The following PPFIBP1 variants were observed in gnomAD, a reference collection of about 807,000 sequenced individuals.
PPFIBP1 encodes the protein PPFIB scaffold protein 1.
PPFIBP1 carries 112 observed loss-of-function variants against 137.8 expected under a neutral mutation model. The observed-to-expected ratio is 0.81, with a 90% CI of 0.70 to 0.95. The LOEUF is 0.95. Among genes scored for constraint, PPFIBP1 ranks in the 40% least tolerant of loss-of-function variants. PPFIBP1 has a pLI of 0.00. For missense variants in PPFIBP1, 1,083 were observed against 1,196.6 expected (o/e 0.91, Z 1.40); for synonymous variants, 378 against 417.3 (o/e 0.91, Z 1.15).
chr12:27,543,753 G>A (rs1751028178), intron 1 of PPFIBP1, among the ~76,000 whole-genome samples: 1 of 152,070 alleles, frequency 6.6e-6, no homozygotes, highest in Admixed American at 6.5e-5. Flanking sequence ...ATCTTATAAC[G>A]TTTGCAAGCT....
At position 27,656,592 on chromosome 12, in the gene PPFIBP1, T is replaced by C. The variant is rs200332594; in HGVS notation, c.697-24T>C. The C allele has an allele frequency of 5.3e-4, 759 of 1,436,706 alleles. 3 individuals carry two copies. In the African/African-American group the frequency reaches 9.6e-3, roughly 18 times the overall value. The allele number at this position is 1,436,706 out of a possible 1,614,324, so 89.0% of individuals were successfully genotyped here. A position where few individuals can be genotyped will look rare whatever the true frequency, so the allele number is the denominator to read the frequency against. On this transcript the variant is annotated intron_variant, in intron 8 of 29. Transcript: ENST00000228425. ...TCCTTTTCAGTCATGATCTGCTATT[T>C]TTAAATGAATTTGTAACTTGTAGGA...
chr12:27,550,991 A>ATAT (rs375148048), intron 1 of PPFIBP1, among the ~76,000 whole-genome samples: 43,503 of 136,484 alleles, frequency 0.32, 6,988 homozygotes, highest in Middle Eastern at 0.45. Flanking sequence ...ATATATATAT[A>ATAT]TTTTTTTTTT....
intron 10 of PPFIBP1, 57 bp downstream of exon 10, chr12:27,658,905 C>T: frequency 1.3e-6 from 2 of 1,501,314 alleles, no homozygotes; most frequent in Non-Finnish European, 1.8e-6. Flanking sequence ...CTACCTTGGA[C>T]TGTTCTTTGC....
intron 28 of PPFIBP1, 115 bp downstream of exon 28, chr12:27,692,043 G>T: frequency 1.1e-6 from 1 of 880,234 alleles, no homozygotes; most frequent in Non-Finnish European, 1.7e-6. Context: ...TAAAAATACA[G>T]ATAATAATAG....
At chr12:27,582,565 G>A (rs796280559) in intron 2 of PPFIBP1, among the ~76,000 whole-genome samples, 19 of 152,262 alleles carry the variant, frequency 1.2e-4, no homozygotes, top group South Asian at 8.3e-4. Flanking sequence ...CTGTATGCAT[G>A]GTAATCAAAG....
intron 9 of PPFIBP1, among the ~76,000 whole-genome samples, chr12:27,658,160 A>AT (rs2059332873): frequency 6.6e-6 from 1 of 150,890 alleles, no homozygotes; most frequent in African/African-American, 2.4e-5. Flanking sequence ...AAAAAAAAGA[A>AT]TAAAATGGCA....
rs541651101 is a variant in PPFIBP1 at position 27,632,413 on chromosome 12, G to C, written c.-35-949G>C. Reference sequence around the variant, plus strand: ...TCGGGTCTATTGGGAGAATCTACTGGGTGCTTAGTCTGGTACCTGAAATGC... The same window carrying C: ...TCGGGTCTATTGGGAGAATCTACTGCGTGCTTAGTCTGGTACCTGAAATGC... On this transcript the variant is annotated intron_variant, in intron 2 of 29. Transcript: ENST00000228425. Among the ~76,000 whole-genome samples, 445 of 152,184 alleles carry C rather than the reference G, an allele frequency of 2.9e-3. 6 individuals carry two copies. The highest frequency in any genetic ancestry group is 1.0e-3 in the Non-Finnish European group (69 of 68,016).
At chr12:27,582,859 A>C (rs1471372059) in intron 2 of PPFIBP1, among the ~76,000 whole-genome samples, 1 of 152,210 alleles carries the variant, frequency 6.6e-6, no homozygotes, top group Non-Finnish European at 1.5e-5. Context: ...CAGTGGTGTA[A>C]TCCTAACTAC....
chr12:27,659,431 T>A (rs1455765423), intron 10 of PPFIBP1, among the ~76,000 whole-genome samples: 1 of 138,402 alleles, frequency 7.2e-6, no homozygotes, highest in East Asian at 2.2e-4. Flanking sequence ...GGCAACATAG[T>A]GAGATCCTGT....
At chr12:27,649,522 GTAAC>G (rs1228259109) in intron 6 of PPFIBP1, among the ~76,000 whole-genome samples, 1 of 152,098 alleles carries the variant, frequency 6.6e-6, no homozygotes, top group African/African-American at 2.4e-5. Context: ...TCAAAGGAGG[GTAAC>G]TAAAGTGAAT....
intron 13 of PPFIBP1, among the ~76,000 whole-genome samples, chr12:27,669,974 T>C (rs200239429): frequency 6.6e-6 from 1 of 152,150 alleles, no homozygotes; most frequent in Non-Finnish European, 1.5e-5. Context: ...CCACTGTAGA[T>C]GTGTGGTTAC....
chr12:27,646,221 C>T (rs2303397), intron 5 of PPFIBP1, 73 bp downstream of exon 5: 57,636 of 1,199,074 alleles, frequency 0.048, 1,611 homozygotes, highest in East Asian at 0.083. Context: ...GTGGCAAATT[C>T]AGATTGCTTG....
chr12:27,558,596 AAC>A lies in PPFIBP1; in HGVS notation c.-123-19528_-123-19527del, dbSNP rs71039821. Among the ~76,000 whole-genome samples the A allele has an allele frequency of 2.9e-3, 342 of 119,808 alleles. 3 individuals are homozygous for A. In the South Asian group the frequency reaches 0.036, roughly 13 times the overall value. 78.6% of individuals were successfully genotyped at this position (119,808 alleles called of 152,430 possible). The stretch of plus-strand genomic sequence containing the variant: ...TCCTTCCTGCCCCCACCTCTCCACC[AAC>A]ACACACACACACACACACACACACA... On this transcript the variant is annotated intron_variant, in intron 1 of 29. Coordinates refer to ENST00000228425, the MANE Select transcript of PPFIBP1 (RefSeq NM_003622.4).
At chr12:27,525,581 G>A (rs534594254) in intron 1 of PPFIBP1, among the ~76,000 whole-genome samples, 5 of 149,410 alleles carry the variant, frequency 3.3e-5, no homozygotes, top group African/African-American at 1.2e-4. Context: ...TTCCTTCACC[G>A]AAGTTCCTCC....
chr12:27,634,037 A>G lies in PPFIBP1; in HGVS notation c.64+577A>G, dbSNP rs530094338. On this transcript the variant is annotated intron_variant, in intron 3 of 29. Coordinates refer to ENST00000228425, the MANE Select transcript of PPFIBP1 (RefSeq NM_003622.4). Reference sequence around the variant, plus strand: ...TTTTTAGTAGAGACAGGGTTTCACCATCTTGGCCAGGCTGGTCTTAAACTC... The same window carrying G: ...TTTTTAGTAGAGACAGGGTTTCACCGTCTTGGCCAGGCTGGTCTTAAACTC... 7.9e-5 allele frequency among the ~76,000 whole-genome samples: 12 copies of G among 151,102 alleles called. No homozygotes were observed. The East Asian group carries it at 2.1e-3, about 27-fold the overall frequency.
intron 4 of PPFIBP1, among the ~76,000 whole-genome samples, chr12:27,644,459 T>C (rs1292733534): frequency 1.3e-5 from 2 of 152,054 alleles, no homozygotes; most frequent in African/African-American, 4.8e-5. Context: ...TATTGTTACT[T>C]GTATGGGATT....
intron 6 of PPFIBP1, among the ~76,000 whole-genome samples, chr12:27,649,771 C>G (rs190385776): frequency 7.9e-5 from 12 of 152,248 alleles, no homozygotes; most frequent in African/African-American, 2.6e-4. Context: ...GGCTGGTTCT[C>G]AAATTCCTGA....
chr12:27,679,780 T>C, intron 20 of PPFIBP1, 141 bp downstream of exon 20: 1 of 1,359,764 alleles, frequency 7.4e-7, no homozygotes, highest in Non-Finnish European at 1.0e-6. Context: ...ATTTATTAAC[T>C]CATTGGGTCT....
At chr12:27,550,562 C>G (rs1273751219) in intron 1 of PPFIBP1, among the ~76,000 whole-genome samples, 3 of 152,094 alleles carry the variant, frequency 2.0e-5, no homozygotes, top group African/African-American at 7.2e-5. Flanking sequence ...TATGACAACT[C>G]AGAGAGAGGT....
Sources: gnomAD v4.1 joint callset for allele counts (sites outside exome capture counted in the v4.1 genomes callset) on GRCh38, gnomAD v4.1.1 for gene constraint, MANE v1.5 for transcripts, NCBI Gene and HGNC (gene_info 2026-07-23, HGNC 2026-07-21) for gene names.